CYP21A2: variants seen among roughly 807,000 people sequenced by gnomAD.
CYP21A2 encodes steroid 21-hydroxylase.
In CYP21A2, 24 loss-of-function variants were observed where a neutral mutation model predicts 47.4. The ratio of observed to expected loss-of-function variants is 0.51; its 90% CI spans 0.37 to 0.71. The LOEUF is 0.71. Ranked by LOEUF, CYP21A2 falls within the 30% of genes least tolerant of loss-of-function variation. CYP21A2 has a pLI of 0.00. For synonymous variants in CYP21A2, 130 were observed against 273.9 expected (o/e 0.47, Z 5.19); for missense variants, 358 against 643.2 (o/e 0.56, Z 4.80).
At position 32,039,155 on chromosome 6, in the gene CYP21A2, A is replaced by G. The variant is rs765029352; in HGVS notation, c.354A>G (p.Lys118=). The change falls in exon 3 of 10, where the codon AAA becomes AAG. Residue 118 remains lysine (K), a synonymous_variant. Coordinates refer to ENST00000644719, the MANE Select transcript of CYP21A2 (RefSeq NM_000500.9). ...LSLGDYSLLW[K]AHKKLTRSAL... Reference sequence around the variant, plus strand: ...TGGGAGACTACTCCCTGCTCTGGAAAGCCCACAAGAAGCTCACCCGCTCAG... The same window carrying G: ...TGGGAGACTACTCCCTGCTCTGGAAGGCCCACAAGAAGCTCACCCGCTCAG... 7 of 1,610,862 alleles carry G rather than the reference A, an allele frequency of 4.3e-6. No individual in the cohort carries two copies. Among genetic ancestry groups the G allele is most frequent in the Non-Finnish European group, 5.9e-6 (7 of 1,178,620 alleles).
In CYP21A2 at chr6:32,040,507, T is replaced by C. The variant is rs1158906484; in HGVS notation, c.1041T>C (p.Asn347=). The part of the protein sequence containing the change: ...YKDRARLPLL[N]ATIAEVLRLR... ...ACCGTGCACGGCTGCCCTTGCTCAA[T>C]GCCACCATCGCCGAGGTGCTGCGCC... The change falls in exon 8 of 10, where the codon AAT becomes AAC. Residue 347 remains asparagine (N), a synonymous_variant. Transcript: ENST00000644719. 6.2e-7 allele frequency: 1 copy of C among 1,613,426 alleles called. No homozygotes were observed. The highest frequency in any genetic ancestry group is 1.3e-5 in the African/African-American group (1 of 74,952).
At chr6:32,039,890 G>A in intron 6 of CYP21A2, 55 bp downstream of exon 6, 1 of 1,606,288 alleles carries the variant, frequency 6.2e-7, no homozygotes, top group Non-Finnish European at 8.5e-7. Flanking sequence ...GATGCTACCG[G>A]CCTCAGCATT....
Position 32,038,462 on chromosome 6 carries a change from G to T in CYP21A2, c.40G>T (p.Ala14Ser), listed in dbSNP as rs764636694. ...LGLLLLLPLL[A>S]GARLLWNWWK... ...CCTGCTGCTGCTGCTGCCCCTGCTG[G>T]CTGGCGCCCGCCTGCTGTGGAACTG... Residue 14 changes from alanine (A) to serine (S), a missense_variant, in exon 1 of 10, where the codon GCT (alanine) becomes TCT (serine). Coordinates refer to ENST00000644719, the MANE Select transcript of CYP21A2 (RefSeq NM_000500.9). The T allele has an allele frequency of 7.7e-5, 120 of 1,566,912 alleles. 1 individual carries two copies. In the South Asian group the frequency reaches 1.2e-3, roughly 16 times the overall value.
Position 32,039,848 on chromosome 6 carries a change from C to T in CYP21A2, c.738+13C>T, listed in dbSNP as rs6459. Reference sequence around the variant, plus strand: ...GAGGCAGCACAAGGTGGGGACTGTACGTGGACGGCCTCCCCTCGGCCCACA... The same window carrying T: ...GAGGCAGCACAAGGTGGGGACTGTATGTGGACGGCCTCCCCTCGGCCCACA... On this transcript the variant is annotated intron_variant, in intron 6 of 9. Coordinates refer to ENST00000644719, the MANE Select transcript of CYP21A2 (RefSeq NM_000500.9). The T allele has an allele frequency of 0.12, 188,842 of 1,602,670 alleles. 12,237 individuals are homozygous for T. The highest frequency in any genetic ancestry group is 0.24 in the South Asian group (21,338 of 88,874).
intron 7 of CYP21A2, 46 bp downstream of exon 7, chr6:32,040,251 C>T: frequency 1.2e-6 from 2 of 1,612,726 alleles, no homozygotes; most frequent in Non-Finnish European, 1.7e-6. Context: ...GCAACCTGGC[C>T]AGGGCGGTGG....
chr6:32,038,672 G>C (rs1237283987), intron 1 of CYP21A2, 48 bp downstream of exon 1: 2 of 1,537,098 alleles, frequency 1.3e-6, no homozygotes, highest in African/African-American at 2.7e-5. Context: ...GGGGGCGGAG[G>C]TGACGGAGAG....
At position 32,041,494 on chromosome 6, in the gene CYP21A2, A is replaced by G. The variant is rs1226433549; in HGVS notation, c.*360A>G. On this transcript the variant is annotated 3_prime_UTR_variant, in exon 10 of 10. Transcript: ENST00000644719. Reference sequence around the variant, plus strand: ...AGAGAGAGTCAAAGCCGGATGTCCCATCTGCTCTTCCCGTTCCCCTTAAGG... The same window carrying G: ...AGAGAGAGTCAAAGCCGGATGTCCCGTCTGCTCTTCCCGTTCCCCTTAAGG... 3 of 1,218,224 alleles carry G rather than the reference A, an allele frequency of 2.5e-6. No homozygotes were observed. The Admixed American group carries it at 6.0e-5, about 24-fold the overall frequency. 75.5% of individuals were successfully genotyped at this position (1,218,224 alleles called of 1,614,324 possible).
chr6:32,038,881 C>T, intron 2 of CYP21A2, 70 bp downstream of exon 2: 5 of 1,356,352 alleles, frequency 3.7e-6, no homozygotes, highest in African/African-American at 1.4e-5. Context: ...TGCTATGCTG[C>T]CCAGGCTGGT....
At position 32,039,197 on chromosome 6, in the gene CYP21A2, C is replaced by T; in HGVS notation, c.396C>T (p.Ile132=). Residue 132 remains isoleucine, a synonymous_variant, in exon 3 of 10, where the codon ATC becomes ATT. Coordinates refer to ENST00000644719, the MANE Select transcript of CYP21A2 (RefSeq NM_000500.9). ...KLTRSALLLG[I]RDSMEPVVEQ... is the part of the protein sequence containing the mutation. ...CCCGCTCAGCCCTGCTGCTGGGCAT[C>T]CGTGACTCCATGGAGCCAGTGGTGG... 5 of 1,597,530 alleles carry T rather than the reference C, an allele frequency of 3.1e-6. 1 individual carries two copies. Among genetic ancestry groups the T allele is most frequent in the Non-Finnish European group, 4.3e-6 (5 of 1,172,062 alleles).
chr6:32,041,124 A>G lies in CYP21A2; in HGVS notation c.1478A>G (p.Gln493Arg). The G allele has an allele frequency of 6.3e-7, 1 of 1,599,974 alleles. No individual in the cohort carries two copies. The highest frequency in any genetic ancestry group is 8.5e-7 in the Non-Finnish European group (1 of 1,174,874). Reference sequence around the variant, plus strand: ...GGGATGGGGGCCCACAGCCCGGGCCAGAGCCAGTGATGGGGCAGGACCGAT... The same window carrying G: ...GGGATGGGGGCCCACAGCCCGGGCCGGAGCCAGTGATGGGGCAGGACCGAT... ...PRGMGAHSPG[Q>R]SQ Residue 493 changes from glutamine to arginine, a missense_variant, in exon 10 of 10, where the codon CAG becomes CGG. By Grantham distance (43) the Gln-to-Arg change is conservative. Coordinates refer to ENST00000644719, the MANE Select transcript of CYP21A2 (RefSeq NM_000500.9).
At chr6:32,038,901 C>G in intron 2 of CYP21A2, 90 bp downstream of exon 2, 1 of 1,379,146 alleles carries the variant, frequency 7.3e-7, no homozygotes, top group Non-Finnish European at 1.0e-6. Context: ...TCTTAAATTC[C>G]TAGTCTCAAA....
rs759736443 is a variant in CYP21A2, at chr6:32,041,096, C to T, written c.1450C>T (p.Arg484Trp). ...MQPFQVRLQP[R>W]GMGAHSPGQS... The stretch of plus-strand genomic sequence containing the variant: ...GCCTTTCCAAGTGCGGCTGCAGCCC[C>T]GGGGGATGGGGGCCCACAGCCCGGG... Residue 484 changes from arginine (R) to tryptophan (W), a missense_variant, in exon 10 of 10, where the codon CGG becomes TGG. Coordinates refer to ENST00000644719, the MANE Select transcript of CYP21A2 (RefSeq NM_000500.9). 1.6e-5 allele frequency: 25 copies of T among 1,586,884 alleles called. No individual in the cohort carries two copies. The highest frequency in any genetic ancestry group is 6.7e-5 in the East Asian group (3 of 44,544).
Position 32,041,620 on chromosome 6 carries a change from A to G in CYP21A2, c.*486A>G. ...AATTCTGAGCTGGCCCTTTCCAGCC[A>G]ATAAATCAACTCCAGCTCCCTCTGC... On this transcript the variant is annotated 3_prime_UTR_variant, in exon 10 of 10. Transcript: ENST00000644719. 9.2e-7 allele frequency: 1 copy of G among 1,092,828 alleles called. No homozygotes were observed. Among genetic ancestry groups the G allele is most frequent in the South Asian group, 1.3e-5 (1 of 74,922 alleles). 67.7% of individuals were successfully genotyped at this position (1,092,828 alleles called of 1,614,324 possible). A position where few individuals can be genotyped will look rare whatever the true frequency, so the allele number is the denominator to read the frequency against.
intron 2 of CYP21A2, 88 bp downstream of exon 2, chr6:32,038,899 T>TCC (rs1159643666): frequency 7.9e-5 from 109 of 1,380,108 alleles, no homozygotes; most frequent in Non-Finnish European, 1.0e-4. Context: ...GGTCTTAAAT[T>TCC]CCTAGTCTCA....
At position 32,038,564 on chromosome 6, in the gene CYP21A2, T is replaced by C. The variant is rs1776000279; in HGVS notation, c.142T>C (p.Tyr48His). Residue 48 changes from tyrosine to histidine, a missense_variant, in exon 1 of 10, where the codon TAT becomes CAT. Tyr to His is a moderately conservative substitution (Grantham distance 83). Coordinates refer to ENST00000644719, the MANE Select transcript of CYP21A2 (RefSeq NM_000500.9). ...LHLLQPDLPI[Y>H]LLGLTQKFGP... ...CCTGCTGCAGCCCGACCTCCCCATC[T>C]ATCTGCTTGGCCTGACTCAGAAATT... 6.3e-7 allele frequency: 1 copy of C among 1,599,792 alleles called. No individual in the cohort carries two copies. The highest frequency in any genetic ancestry group is 8.5e-7 in the Non-Finnish European group (1 of 1,172,606).
At chr6:32,039,481 A>G (rs1562757898) in intron 4 of CYP21A2, 24 bp downstream of exon 4, 1 of 1,579,212 alleles carries the variant, frequency 6.3e-7, no homozygotes. Flanking sequence ...CCTCAGGCCC[A>G]CCCCCAGCCC....
In CYP21A2 at chr6:32,041,190, C is replaced by G. The variant is rs564636162; in HGVS notation, c.*56C>G. 1.0e-3 allele frequency: 1,080 copies of G among 1,058,822 alleles called. 6 individuals carry two copies. In the African/African-American group the frequency reaches 0.014, roughly 13 times the overall value. The allele number at this position is 1,058,822 out of a possible 1,614,324, so 65.6% of individuals were successfully genotyped here. On this transcript the variant is annotated 3_prime_UTR_variant, in exon 10 of 10. Coordinates refer to ENST00000644719, the MANE Select transcript of CYP21A2 (RefSeq NM_000500.9). ...CAGTTTCTCCTTTATTGCTCCCGTA[C>G]GAACCCCTCCCCTCCCCCCTGTAAA...
chr6:32,040,458 C>T lies in CYP21A2; in HGVS notation c.992C>T (p.Ser331Phe). ...GACCACGAACTGGGCCCTGGTGCCT[C>T]CAGCTCCCGGGTCCCCTACAAGGAC... The part of the protein sequence containing the change: ...ELDHELGPGA[S>F]SSRVPYKDRA... Residue 331 changes from serine (S) to phenylalanine (F), a missense_variant, in exon 8 of 10, where the codon TCC becomes TTC. Transcript: ENST00000644719. 1 of 1,613,196 alleles carries T rather than the reference C, an allele frequency of 6.2e-7. No individual in the cohort carries two copies. The highest frequency in any genetic ancestry group is 1.1e-5 in the South Asian group (1 of 91,070).
rs1200461984 is a variant in CYP21A2 at position 32,039,094 on chromosome 6, A to G, written c.293A>G (p.Tyr98Cys). 1.3e-6 allele frequency: 2 copies of G among 1,598,606 alleles called. No individual in the cohort carries two copies. The highest frequency in any genetic ancestry group is 1.1e-5 in the South Asian group (1 of 89,114). The change falls in exon 3 of 10, where the codon TAC becomes TGC. Residue 98 changes from tyrosine (Y) to cysteine (C), a missense_variant and splice_region_variant. By Grantham distance (194) the Tyr-to-Cys change is radical. Transcript: ENST00000644719. ...DFAGRPEPLT[Y>C]KLVSRNYPDL... ...CTCCAGCCCCCACCTCCTCCTGCAG[A>G]CAAGCTGGTGTCTAGGAACTACCCG...
Sources: allele counts gnomAD v4.1 joint callset, GRCh38; gene constraint gnomAD v4.1.1; transcripts MANE v1.5; gene names NCBI Gene and HGNC (gene_info 2026-07-23, HGNC 2026-07-21).